Variants in TP63 observed in about 807,000 individuals in gnomAD.
TP63 encodes the protein tumor protein p63, also known as tumor protein 63.
A neutral mutation model predicts 82.8 loss-of-function variants in TP63; 17 were observed. The ratio of observed to expected loss-of-function variants is 0.21; its 90% CI spans 0.14 to 0.31. The LOEUF is 0.31. TP63 is among the 10% of genes least tolerant of loss of function. The pLI, the probability that TP63 is intolerant of heterozygous loss-of-function variation, is 1.00. For synonymous variants in TP63, 330 were observed against 321.7 expected (o/e 1.03, Z -0.28); for missense variants, 648 against 895.3 (o/e 0.72, Z 3.52).
chr3:189,774,915 T>G (rs896381277), intron 3 of TP63, among the ~76,000 whole-genome samples: 1 of 152,098 alleles, frequency 6.6e-6, no homozygotes, highest in Admixed American at 6.6e-5. Context: ...ACAAATCTTT[T>G]CCCATAGAAA....
In TP63 at chr3:189,695,051, C is replaced by A. The variant is rs114739418; in HGVS notation, c.63-42689C>A. On this transcript the variant is annotated intron_variant, in intron 1 of 13. Transcript: ENST00000264731. ...TGAACTCCTCAGGTGACCTGCCCACCTTGACAGCCTATTCTTTAAGAGTGG... is the reference window on the plus strand; with the variant it reads ...TGAACTCCTCAGGTGACCTGCCCACATTGACAGCCTATTCTTTAAGAGTGG... 4.7e-3 allele frequency among the ~76,000 whole-genome samples: 716 copies of A among 151,910 alleles called. 4 individuals carry two copies. Among genetic ancestry groups the A allele is most frequent in the African/African-American group, 0.014 (584 of 41,448 alleles).
intron 9 of TP63, among the ~76,000 whole-genome samples, chr3:189,871,705 C>T (rs953671367): frequency 6.6e-6 from 1 of 152,138 alleles, no homozygotes; most frequent in African/African-American, 2.4e-5. Flanking sequence ...TAGTCCTGGC[C>T]CGGCTCATCC....
At chr3:189,708,837 T>G (rs142740549) in intron 1 of TP63, among the ~76,000 whole-genome samples, 148 of 152,338 alleles carry the variant, frequency 9.7e-4, no homozygotes, top group African/African-American at 3.3e-3. Context: ...GGATTACTCC[T>G]CTTAGACTTC....
chr3:189,813,355 G>A (rs145099472), intron 4 of TP63, among the ~76,000 whole-genome samples: 1 of 152,314 alleles, frequency 6.6e-6, no homozygotes, highest in Non-Finnish European at 1.5e-5. Context: ...AGTTGCTGGT[G>A]AGGGAAAAAG....
intron 1 of TP63, among the ~76,000 whole-genome samples, chr3:189,714,371 A>C (rs1229112017): frequency 6.6e-6 from 1 of 152,246 alleles, no homozygotes; most frequent in Non-Finnish European, 1.5e-5. Flanking sequence ...TTATCCCATC[A>C]CATAGTGTAG....
intron 3 of TP63, among the ~76,000 whole-genome samples, chr3:189,775,514 T>C (rs1403280343): frequency 2.0e-5 from 3 of 152,210 alleles, no homozygotes; most frequent in Admixed American, 6.5e-5. Flanking sequence ...CACTTAGTTT[T>C]GTCTTTCTAT....
rs1717606971 is a variant in TP63 at position 189,865,462 on chromosome 3, CAG to C, written c.766+1049_766+1050del. 3.3e-5 allele frequency among the ~76,000 whole-genome samples: 5 copies of C among 152,232 alleles called. No individual in the cohort carries two copies. The South Asian group carries it at 8.3e-4, about 25-fold the overall frequency. ...TATAGTTCCATGAAGGGAGACTAAACAGAGAGTGCTGAAAAGTGGAAGGTAAG... is the reference window on the plus strand; with the variant it reads ...TATAGTTCCATGAAGGGAGACTAAACAGAGTGCTGAAAAGTGGAAGGTAAG... On this transcript the variant is annotated intron_variant, in intron 5 of 13. Transcript: ENST00000264731.
At chr3:189,888,088 C>T (rs1326681937) in intron 11 of TP63, among the ~76,000 whole-genome samples, 1 of 151,944 alleles carries the variant, frequency 6.6e-6, no homozygotes, top group East Asian at 1.9e-4. Context: ...GAACTCCTGA[C>T]CTCAGGTGAT....
Position 189,894,736 on chromosome 3 carries a change from G to A in TP63, c.*234G>A. 1.8e-6 allele frequency: 1 copy of A among 557,722 alleles called. No individual in the cohort carries two copies. Among genetic ancestry groups the A allele is most frequent in the African/African-American group, 1.9e-5 (1 of 53,372 alleles). The allele number at this position is 557,722 out of a possible 1,614,324, so 34.5% of individuals were successfully genotyped here. A position where few individuals can be genotyped will look rare whatever the true frequency, so the allele number is the denominator to read the frequency against. ...TGCAGAACTGTAGCTGCCATGGCTA[G>A]GTAGAAGTGAGCAAAAAAGAGTTGG... is the stretch of plus-strand genomic sequence containing the variant. On this transcript the variant is annotated 3_prime_UTR_variant, in exon 14 of 14. Coordinates refer to ENST00000264731, the MANE Select transcript of TP63 (RefSeq NM_003722.5).
chr3:189,777,576 C>T (rs1220238593), intron 3 of TP63, among the ~76,000 whole-genome samples: 7 of 151,560 alleles, frequency 4.6e-5, no homozygotes, highest in Non-Finnish European at 8.8e-5. Context: ...TCCTAAATGT[C>T]GATTTCCTCT....
intron 1 of TP63, among the ~76,000 whole-genome samples, chr3:189,634,122 G>T (rs1185469572): frequency 6.6e-6 from 1 of 151,882 alleles, no homozygotes; most frequent in Non-Finnish European, 1.5e-5. Context: ...GGTTTGAGCT[G>T]GTTTTTGTAA....
chr3:189,759,571 A>G (rs1253869928), intron 3 of TP63, among the ~76,000 whole-genome samples: 4 of 152,216 alleles, frequency 2.6e-5, no homozygotes, highest in Non-Finnish European at 5.9e-5. Context: ...TATGAGGTAT[A>G]CATTAGTATG....
intron 1 of TP63, among the ~76,000 whole-genome samples, chr3:189,646,124 G>A (rs1407885331): frequency 6.8e-6 from 1 of 146,954 alleles, no homozygotes; most frequent in Non-Finnish European, 1.5e-5. Flanking sequence ...GTAGCACCTG[G>A]GAATAGTATT....
chr3:189,844,695 A>G (rs928650756), intron 4 of TP63, among the ~76,000 whole-genome samples: 4 of 152,236 alleles, frequency 2.6e-5, no homozygotes, highest in African/African-American at 9.6e-5. Flanking sequence ...ATAGTATATA[A>G]TTAGCCCATA....
intron 1 of TP63, among the ~76,000 whole-genome samples, chr3:189,720,377 T>C (rs1197957708): frequency 6.6e-6 from 1 of 152,140 alleles, no homozygotes; most frequent in Admixed American, 6.5e-5. Context: ...TGAAAAAACT[T>C]CTCATACATT....
intron 4 of TP63, among the ~76,000 whole-genome samples, chr3:189,840,765 G>C (rs1286733492): frequency 1.3e-5 from 2 of 149,420 alleles, no homozygotes; most frequent in Non-Finnish European, 3.0e-5. Context: ...GCCTGAGGCA[G>C]AGAATTGCTT....
chr3:189,653,573 T>G lies in TP63; in HGVS notation c.62+21996T>G, dbSNP rs562335504. 9.9e-4 allele frequency among the ~76,000 whole-genome samples: 151 copies of G among 152,366 alleles called. 1 individual carries two copies. Among genetic ancestry groups the G allele is most frequent in the Admixed American group, 8.7e-3 (133 of 15,304 alleles). ...TACTAAGTAGACTTATCTGCTAATT[T>G]CAGCTGGTTGTACCAAAACAAGTGC... On this transcript the variant is annotated intron_variant, in intron 1 of 13. Transcript: ENST00000264731.
Position 189,864,084 on chromosome 3 carries a change from A to C in TP63, c.580-148A>C, listed in dbSNP as rs978058688. On this transcript the variant is annotated intron_variant, in intron 4 of 13. Transcript: ENST00000264731. ...AATATAACTTCCTCTAATAACATTGACATACGTCACATCTATAGTAGCCAG... is the reference window on the plus strand; with the variant it reads ...AATATAACTTCCTCTAATAACATTGCCATACGTCACATCTATAGTAGCCAG... The C allele has an allele frequency of 5.1e-6, 5 of 981,384 alleles. No homozygotes were observed. The African/African-American group carries it at 8.0e-5, about 16-fold the overall frequency. The allele number at this position is 981,384 out of a possible 1,614,324, so 60.8% of individuals were successfully genotyped here.
chr3:189,636,656 C>A (rs996487688), intron 1 of TP63, among the ~76,000 whole-genome samples: 10 of 152,178 alleles, frequency 6.6e-5, no homozygotes, highest in African/African-American at 2.4e-4. Context: ...CACAAGATTT[C>A]TAATATTAAA....
Sources: allele counts gnomAD v4.1 joint callset (sites outside exome capture counted in the v4.1 genomes callset), GRCh38; gene constraint gnomAD v4.1.1; transcripts MANE v1.5; gene names NCBI Gene and HGNC (gene_info 2026-07-23, HGNC 2026-07-21).